CADPS: variants seen among roughly 807,000 people sequenced by gnomAD.
CADPS encodes the protein calcium-dependent secretion activator 1.
In CADPS, 57 loss-of-function variants were observed where a neutral mutation model predicts 167.3. The observed-to-expected ratio is 0.34, with a 90% CI of 0.28 to 0.42. The LOEUF (loss-of-function observed/expected upper bound fraction) is 0.42. Ranked by LOEUF, CADPS falls within the 20% of genes least tolerant of loss-of-function variation. CADPS has a pLI of 1.00. For missense variants in CADPS, 1,414 were observed against 1,738.1 expected (o/e 0.81, Z 3.32); for synonymous variants, 676 against 635.3 (o/e 1.06, Z -0.96).
chr3:62,802,267 ACT>A (rs1480582204), intron 1 of CADPS, among the ~76,000 whole-genome samples: 6 of 151,930 alleles, frequency 3.9e-5, no homozygotes, highest in African/African-American at 1.5e-4. Context: ...TGTAAAACAC[ACT>A]CTCATGAGTT....
At chr3:62,400,597 T>C (rs893830442) in intron 29 of CADPS, among the ~76,000 whole-genome samples, 14 of 133,852 alleles carry the variant, frequency 1.0e-4, no homozygotes, top group Admixed American at 3.2e-4. Flanking sequence ...TTCTTTTTTT[T>C]TTTCTTTTTT....
At chr3:62,575,004 A>C (rs2082007715) in intron 8 of CADPS, among the ~76,000 whole-genome samples, 1 of 152,220 alleles carries the variant, frequency 6.6e-6, no homozygotes, top group East Asian at 1.9e-4. Context: ...GAAGTGGGCA[A>C]GAAATTTTGT....
chr3:62,703,045 T>C (rs942973605), intron 3 of CADPS, among the ~76,000 whole-genome samples: 1 of 152,140 alleles, frequency 6.6e-6, no homozygotes, highest in Non-Finnish European at 1.5e-5. Context: ...TTCTCGACTG[T>C]TTCATAATTA....
intron 6 of CADPS, among the ~76,000 whole-genome samples, chr3:62,644,544 A>G (rs2068105658): frequency 6.6e-6 from 1 of 152,120 alleles, no homozygotes; most frequent in African/African-American, 2.4e-5. Context: ...TCTCCAATGC[A>G]TACTTTCCTC....
At chr3:62,526,868 G>T (rs1443545582) in intron 13 of CADPS, among the ~76,000 whole-genome samples, 4 of 152,142 alleles carry the variant, frequency 2.6e-5, no homozygotes, top group African/African-American at 9.7e-5. Flanking sequence ...AGATTAATTA[G>T]AATCTCTGCA....
chr3:62,657,828 G>A (rs2072089777), intron 4 of CADPS, among the ~76,000 whole-genome samples: 2 of 152,124 alleles, frequency 1.3e-5, no homozygotes, highest in South Asian at 4.1e-4. Context: ...AGAGAGGACA[G>A]ACATGTCTTT....
chr3:62,872,499 T>C (rs1377812966), intron 1 of CADPS, among the ~76,000 whole-genome samples: 1 of 152,238 alleles, frequency 6.6e-6, no homozygotes, highest in Non-Finnish European at 1.5e-5. Flanking sequence ...AGCAACAGTT[T>C]GCTGTGATAA....
intron 3 of CADPS, among the ~76,000 whole-genome samples, chr3:62,712,823 G>C (rs1297858117): frequency 6.6e-6 from 1 of 152,120 alleles, no homozygotes; most frequent in Non-Finnish European, 1.5e-5. Flanking sequence ...TTGACAACTG[G>C]TCATAAATTG....
chr3:62,523,230 C>T (rs537207867), intron 13 of CADPS, among the ~76,000 whole-genome samples: 2 of 152,146 alleles, frequency 1.3e-5, no homozygotes, highest in Admixed American at 1.3e-4. Context: ...ACCCAGCTGC[C>T]CAACCTTTGA....
At chr3:62,772,030 A>G (rs1005265488) in intron 1 of CADPS, among the ~76,000 whole-genome samples, 3 of 152,210 alleles carry the variant, frequency 2.0e-5, no homozygotes, top group African/African-American at 7.2e-5. Context: ...GGAAAGCAAT[A>G]TCTACTTTAC....
intron 18 of CADPS, 112 bp from the exon 19 acceptor site, chr3:62,493,777 G>T: frequency 1.1e-6 from 1 of 887,156 alleles, no homozygotes; most frequent in Non-Finnish European, 1.8e-6. Context: ...AAACCTCACT[G>T]ATTCAGATTA....
At chr3:62,760,938 A>T (rs920089131) in intron 2 of CADPS, among the ~76,000 whole-genome samples, 2 of 152,076 alleles carry the variant, frequency 1.3e-5, no homozygotes, top group African/African-American at 2.4e-5. Context: ...TTGCAGTGGG[A>T]TTGTCAATTG....
chr3:62,767,154 G>A (rs304167), intron 1 of CADPS, among the ~76,000 whole-genome samples: 54,027 of 151,842 alleles, frequency 0.36, 10,873 homozygotes, highest in African/African-American at 0.56. Flanking sequence ...AAATTTTTGT[G>A]AAAAGTTAAA....
intron 24 of CADPS, chr3:62,470,583 T>C (rs1330153505): frequency 6.6e-6 from 1 of 152,226 alleles, no homozygotes; most frequent in East Asian, 1.9e-4. Context: ...TTAGAAGAAG[T>C]ACATATTTAC....
At chr3:62,470,215 A>G (rs1335105738) in intron 24 of CADPS, among the ~76,000 whole-genome samples, 2 of 152,204 alleles carry the variant, frequency 1.3e-5, no homozygotes, top group Non-Finnish European at 2.9e-5. Flanking sequence ...CCAATGATGA[A>G]ATCCAGGATG....
rs1232746055 is a variant in CADPS, at chr3:62,488,913, A to AC, written c.3026+2425_3026+2426insG. On this transcript the variant is annotated intron_variant, in intron 21 of 29. Coordinates refer to ENST00000383710, the MANE Select transcript of CADPS (RefSeq NM_003716.4). ...TTTAGATAGCAAAAAGCTACTAAAA[A>AC]ACACACACGTATCTGCATAATTCTC... Among the ~76,000 whole-genome samples the AC allele has an allele frequency of 4.6e-5, 7 of 152,354 alleles. No individual in the cohort carries two copies. In the East Asian group the frequency reaches 9.7e-4, roughly 21 times the overall value.
chr3:62,704,341 C>A (rs1377596158), intron 3 of CADPS, among the ~76,000 whole-genome samples: 2 of 152,092 alleles, frequency 1.3e-5, no homozygotes. Flanking sequence ...CCACCAATCA[C>A]TCCTGGTAAA....
At chr3:62,851,827 G>T (rs28850714) in intron 1 of CADPS, among the ~76,000 whole-genome samples, 29,103 of 150,448 alleles carry the variant, frequency 0.19, 3,255 homozygotes, top group Middle Eastern at 0.35. Flanking sequence ...GGCCTGCCTT[G>T]CTAGATTGGG....
intron 28 of CADPS, among the ~76,000 whole-genome samples, chr3:62,423,523 ATAG>A (rs1329172951): frequency 6.6e-6 from 1 of 152,244 alleles, no homozygotes; most frequent in African/African-American, 2.4e-5. Context: ...ACATATTTGA[ATAG>A]TGTAAAGTTT....
Sources: gnomAD v4.1 joint callset for allele counts (sites outside exome capture counted in the v4.1 genomes callset) on GRCh38, gnomAD v4.1.1 for gene constraint, MANE v1.5 for transcripts, NCBI Gene and HGNC (gene_info 2026-07-23, HGNC 2026-07-21) for gene names.